ADNP: variants seen among roughly 807,000 people sequenced by gnomAD.
ADNP encodes the protein activity dependent neuroprotector homeobox.
In ADNP, 4 loss-of-function variants were observed where a neutral mutation model predicts 84.9. The observed-to-expected ratio is 0.05, with a 90% confidence interval of 0.02 to 0.11. The LOEUF (loss-of-function observed/expected upper bound fraction) is 0.11. Ranked by LOEUF, ADNP falls within the 10% of genes least tolerant of loss-of-function variation. The probability of loss-of-function intolerance (pLI) is 1.00; values close to 1 mark genes in which losing one functional copy is unlikely to be tolerated. For synonymous variants in ADNP, 554 were observed against 468.1 expected, an observed-to-expected ratio of 1.18 and a Z score of -2.37; for missense variants, 1,132 against 1,326.0, an observed-to-expected ratio of 0.85 and a Z score of 2.27.
In ADNP at chr20:50,894,081, T is replaced by C. The variant is rs1284484656; in HGVS notation, c.633A>G (p.Leu211=). The change falls in exon 6 of 6, where the codon TTA becomes TTG. Residue 211 remains leucine, a synonymous_variant. Transcript: ENST00000621696. ...TACTCTCTTCTCGGGCATTCGAGCC[T>C]AAGGGGACTGCCCCATTGAGTGATT... is the stretch of plus-strand genomic sequence containing the variant. ...GEKSLNGAVP[L]GSNAREESSI... is the part of the protein sequence containing the mutation. 5 of 1,614,076 alleles carry C rather than the reference T, an allele frequency of 3.1e-6. No individual in the cohort carries two copies. Among genetic ancestry groups the C allele is most frequent in the Non-Finnish European group, 4.2e-6 (5 of 1,180,034 alleles).
At chr20:50,899,553 T>C (rs1007410900) in intron 5 of ADNP, among the ~76,000 whole-genome samples, 3 of 152,066 alleles carry the variant, frequency 2.0e-5, no homozygotes, top group Non-Finnish European at 1.5e-5. Context: ...CACTTACTTC[T>C]ATATTTTTTA....
chr20:50,892,284 C>G lies in ADNP; in HGVS notation c.2430G>C (p.Lys810Asn). Residue 810 changes from lysine (K) to asparagine (N), a missense_variant, in exon 6 of 6, where the codon AAG (lysine) becomes AAC (asparagine). By Grantham distance (94) the Lys-to-Asn change is moderately conservative. Around this residue, in one of 10 missense-constraint regions of ADNP, gnomAD observed 41 missense variants for 78.4 expected, o/e 0.52. Coordinates refer to ENST00000621696, the MANE Select transcript of ADNP (RefSeq NM_001282531.3). ...IASHFSNKRK[K>N]CVRDCEKYKP... The stretch of plus-strand genomic sequence containing the variant: ...TGTACTTTTCACAATCACGGACACA[C>G]TTCTTCCTTTTGTTACTAAAATGGG... 1 of 1,614,218 alleles carries G rather than the reference C, an allele frequency of 6.2e-7. No homozygotes were observed. The highest frequency in any genetic ancestry group is 8.5e-7 in the Non-Finnish European group (1 of 1,180,036).
At chr20:50,905,268 C>T (rs1295547386) in intron 2 of ADNP, 2 of 152,106 alleles carry the variant, frequency 1.3e-5, no homozygotes. Context: ...ATTTAATAAT[C>T]CAAATCTAAC....
chr20:50,917,675 C>T (rs946717338), intron 2 of ADNP, among the ~76,000 whole-genome samples: 1 of 152,100 alleles, frequency 6.6e-6, no homozygotes, highest in Non-Finnish European at 1.5e-5. Context: ...CCTCCAGGCT[C>T]CAGTCAAACT....
chr20:50,900,515 A>G (rs978448729), intron 5 of ADNP, among the ~76,000 whole-genome samples: 2 of 152,228 alleles, frequency 1.3e-5, no homozygotes, highest in East Asian at 1.9e-4. Flanking sequence ...GTGTGTTTAC[A>G]TTAGTATCAC....
chr20:50,895,506 A>G (rs1274342211), intron 5 of ADNP, among the ~76,000 whole-genome samples: 1 of 152,252 alleles, frequency 6.6e-6, no homozygotes, highest in Admixed American at 6.5e-5. Context: ...ACATTACTGT[A>G]CACTACTGTA....
intron 1 of ADNP, among the ~76,000 whole-genome samples, chr20:50,930,009 C>G (rs1301952059): frequency 1.3e-5 from 2 of 151,662 alleles, no homozygotes; most frequent in African/African-American, 4.9e-5. Flanking sequence ...GAGAAGCAAT[C>G]GCGCCTTTTC....
intron 2 of ADNP, among the ~76,000 whole-genome samples, chr20:50,919,431 C>T (rs925233621): frequency 6.6e-6 from 1 of 151,670 alleles, no homozygotes; most frequent in Non-Finnish European, 1.5e-5. Context: ...CTCCAGCCTG[C>T]GTTACAAAGG....
intron 2 of ADNP, among the ~76,000 whole-genome samples, chr20:50,927,140 G>T (rs1984343135): frequency 6.6e-6 from 1 of 152,100 alleles, no homozygotes; most frequent in African/African-American, 2.4e-5. Flanking sequence ...GTTCAAGGTT[G>T]TGAAGTTCTT....
intron 2 of ADNP, among the ~76,000 whole-genome samples, chr20:50,916,475 G>A (rs1983518594): frequency 6.6e-6 from 1 of 152,082 alleles, no homozygotes; most frequent in Non-Finnish European, 1.5e-5. Flanking sequence ...AGTTAACCAG[G>A]ATCAGTTCTT....
intron 2 of ADNP, among the ~76,000 whole-genome samples, chr20:50,909,194 GTC>G (rs1249592227): frequency 1.3e-5 from 2 of 151,360 alleles, no homozygotes; most frequent in Admixed American, 1.3e-4. Context: ...GAGAAACCCC[GTC>G]TCTGCTAAAA....
intron 2 of ADNP, among the ~76,000 whole-genome samples, chr20:50,917,722 A>G (rs552077400): frequency 3.9e-5 from 6 of 152,282 alleles, no homozygotes; most frequent in African/African-American, 1.4e-4. Flanking sequence ...TACATAAGCA[A>G]TTGGGAAGCG....
chr20:50,892,785 T>C lies in ADNP; in HGVS notation c.1929A>G (p.Leu643=). ...GPISDALAHH[L]RERHQVIQTV... ...TCTGAATAACTTGGTGCCTCTCTCGTAAGTGATGTGCAAGTGCATCAGATA... is the reference window on the plus strand; with the variant it reads ...TCTGAATAACTTGGTGCCTCTCTCGCAAGTGATGTGCAAGTGCATCAGATA... Residue 643 remains leucine, a synonymous_variant, in exon 6 of 6, where the codon TTA becomes TTG. Coordinates refer to ENST00000621696, the MANE Select transcript of ADNP (RefSeq NM_001282531.3). 6.2e-7 allele frequency: 1 copy of C among 1,614,268 alleles called. No homozygotes were observed. The highest frequency in any genetic ancestry group is 8.5e-7 in the Non-Finnish European group (1 of 1,180,048).
At chr20:50,930,630 G>A (rs1189286098) in intron 1 of ADNP, among the ~76,000 whole-genome samples, 196 bp downstream of exon 1, 2 of 152,130 alleles carry the variant, frequency 1.3e-5, no homozygotes. Context: ...GCAGAGTCGG[G>A]TAGCGGTCCG....
intron 2 of ADNP, among the ~76,000 whole-genome samples, chr20:50,919,934 T>C (rs543952950): frequency 1.3e-5 from 2 of 152,180 alleles, no homozygotes; most frequent in South Asian, 2.1e-4. Context: ...ACCGAGGAGA[T>C]GCTGCAGGTA....
At chr20:50,898,408 G>A (rs1051275774) in intron 5 of ADNP, among the ~76,000 whole-genome samples, 1 of 152,180 alleles carries the variant, frequency 6.6e-6, no homozygotes, top group Non-Finnish European at 1.5e-5. Flanking sequence ...ACAGCACCGT[G>A]TGCACCTGTG....
Position 50,894,087 on chromosome 20 carries a change from G to A in ADNP, c.627C>T (p.Val209=), listed in dbSNP as rs139387382. 5.6e-6 allele frequency: 9 copies of A among 1,614,142 alleles called. No individual in the cohort carries two copies. Among genetic ancestry groups the A allele is most frequent in the Non-Finnish European group, 5.1e-6 (6 of 1,180,016 alleles). ...KAGEKSLNGA[V]PLGSNAREES... The stretch of plus-strand genomic sequence containing the variant: ...CTTCTCGGGCATTCGAGCCTAAGGG[G>A]ACTGCCCCATTGAGTGATTTTTCTC... The change falls in exon 6 of 6, where the codon GTC becomes GTT. Residue 209 remains valine (V), a synonymous_variant. Transcript: ENST00000621696.
intron 3 of ADNP, 53 bp from the exon 4 acceptor site, chr20:50,904,054 T>C (rs917332936): frequency 7.4e-7 from 1 of 1,349,560 alleles, no homozygotes; most frequent in Non-Finnish European, 1.0e-6. Flanking sequence ...ACTTGTAATA[T>C]TTACTAATTC....
chr20:50,909,462 C>A (rs2122886457), intron 2 of ADNP: 1 of 149,014 alleles, frequency 6.7e-6, no homozygotes, highest in Middle Eastern at 3.5e-3. Flanking sequence ...CCTTTCAGCT[C>A]ATGACATAAA....
Sources: gnomAD v4.1 joint callset for allele counts (sites outside exome capture counted in the v4.1 genomes callset) on GRCh38, gnomAD v4.1.1 for gene constraint, gnomAD v4.1.1 regional missense constraint, MANE v1.5 for transcripts, NCBI Gene and HGNC (gene_info 2026-07-23, HGNC 2026-07-21) for gene names.